HTR1F: variants seen among roughly 807,000 people sequenced by gnomAD.
HTR1F encodes the protein 5-hydroxytryptamine receptor 1F.
Under a neutral mutation model 24.0 loss-of-function variants are expected in HTR1F, and 17 were observed. That is an observed-to-expected ratio of 0.71 (90% CI 0.48 to 1.06). The LOEUF is 1.06. Ranked by LOEUF, HTR1F falls within the 50% of genes least tolerant of loss-of-function variation. The pLI is 0.00. For missense variants in HTR1F, 391 were observed against 427.8 expected (o/e 0.91, Z 0.76); for synonymous variants, 186 against 156.8 (o/e 1.19, Z -1.39).
intron 2 of HTR1F, among the ~76,000 whole-genome samples, chr3:87,898,950 T>G (rs1706261469): frequency 6.6e-6 from 1 of 152,182 alleles, no homozygotes; most frequent in Non-Finnish European, 1.5e-5. Context: ...AGTCAGTCTC[T>G]TTACAAGGAA....
chr3:87,863,075 C>A (rs1705351772), intron 2 of HTR1F, among the ~76,000 whole-genome samples: 1 of 152,214 alleles, frequency 6.6e-6, no homozygotes, highest in Admixed American at 6.5e-5. Context: ...CTTGGCCTCC[C>A]AAAGTGTTGG....
intron 2 of HTR1F, among the ~76,000 whole-genome samples, chr3:87,859,620 G>A (rs1266797082): frequency 6.6e-6 from 1 of 152,206 alleles, no homozygotes; most frequent in Admixed American, 6.5e-5. Flanking sequence ...AGCTGCTGAA[G>A]GTGCAACATC....
chr3:87,801,838 A>G (rs1703994320), intron 1 of HTR1F, among the ~76,000 whole-genome samples: 1 of 152,208 alleles, frequency 6.6e-6, no homozygotes, highest in Admixed American at 6.5e-5. Context: ...AAAAAGAAGT[A>G]TATACATTAA....
intron 2 of HTR1F, among the ~76,000 whole-genome samples, chr3:87,982,378 A>G (rs115775622): frequency 1.3e-3 from 191 of 152,350 alleles, no homozygotes; most frequent in African/African-American, 4.4e-3. Context: ...AAAAGAAGAA[A>G]GTCTGTCTTG....
intron 2 of HTR1F, among the ~76,000 whole-genome samples, chr3:87,915,079 T>C (rs538362805): frequency 6.6e-6 from 1 of 152,064 alleles, no homozygotes; most frequent in East Asian, 1.9e-4. Flanking sequence ...ATTTGGTGGG[T>C]GGTTAGATCC....
intron 2 of HTR1F, among the ~76,000 whole-genome samples, chr3:87,963,393 A>T (rs1705102047): frequency 6.6e-6 from 1 of 152,156 alleles, no homozygotes; most frequent in African/African-American, 2.4e-5. Context: ...CAAGAAGAAG[A>T]TGCTGAGTTA....
At chr3:87,929,815 A>G (rs1342901578) in intron 2 of HTR1F, among the ~76,000 whole-genome samples, 1 of 152,138 alleles carries the variant, frequency 6.6e-6, no homozygotes, top group Non-Finnish European at 1.5e-5. Flanking sequence ...ATTTTAAAAT[A>G]GTTTTTTCTA....
chr3:87,832,381 G>A (rs1197119081), intron 2 of HTR1F, among the ~76,000 whole-genome samples: 1 of 143,494 alleles, frequency 7.0e-6, no homozygotes, highest in Non-Finnish European at 1.5e-5. Flanking sequence ...AGGCTGGAGT[G>A]CAGTGGCGCG....
intron 2 of HTR1F, among the ~76,000 whole-genome samples, chr3:87,842,321 C>T (rs571468615): frequency 5.3e-5 from 8 of 151,634 alleles, no homozygotes; most frequent in East Asian, 3.9e-4. Context: ...CCACCACGCC[C>T]GGCTAATTTT....
chr3:87,811,446 CT>C (rs1704159615), intron 1 of HTR1F, among the ~76,000 whole-genome samples: 1 of 151,920 alleles, frequency 6.6e-6, no homozygotes, highest in Non-Finnish European at 1.5e-5. Context: ...AGTGGGAAGT[CT>C]TTGAAACATA....
intron 2 of HTR1F, among the ~76,000 whole-genome samples, chr3:87,944,502 C>T (rs1183733104): frequency 1.3e-5 from 2 of 152,198 alleles, no homozygotes; most frequent in Non-Finnish European, 2.9e-5. Flanking sequence ...TTGGGAGGAA[C>T]CATCTATCGT....
chr3:87,989,461 C>T (rs1243006628), intron 2 of HTR1F, among the ~76,000 whole-genome samples: 1 of 152,100 alleles, frequency 6.6e-6, no homozygotes, highest in Non-Finnish European at 1.5e-5. Flanking sequence ...CTTTTTAAAC[C>T]AAATTAACTA....
intron 2 of HTR1F, among the ~76,000 whole-genome samples, chr3:87,968,590 A>G (rs1428848499): frequency 6.6e-6 from 1 of 152,200 alleles, no homozygotes; most frequent in Non-Finnish European, 1.5e-5. Context: ...ATGTATTCAC[A>G]GGATATGGTT....
intron 2 of HTR1F, among the ~76,000 whole-genome samples, chr3:87,869,325 G>A (rs1412309821): frequency 1.3e-5 from 2 of 151,708 alleles, no homozygotes; most frequent in Admixed American, 1.3e-4. Flanking sequence ...CAGCATGTTA[G>A]GTGAGTGCTT....
intron 1 of HTR1F, among the ~76,000 whole-genome samples, chr3:87,793,969 C>CAAAA (rs78156685): frequency 7.5e-5 from 7 of 93,806 alleles, no homozygotes; most frequent in Middle Eastern, 6.9e-3. Flanking sequence ...TATGCTATGC[C>CAAAA]AAAAAAAAAA....
chr3:87,837,792 C>T (rs1485470513), intron 2 of HTR1F, among the ~76,000 whole-genome samples: 3 of 151,942 alleles, frequency 2.0e-5, no homozygotes, highest in Admixed American at 2.0e-4. Flanking sequence ...AGCCCATTTT[C>T]TGGCATTAAG....
intron 2 of HTR1F, among the ~76,000 whole-genome samples, chr3:87,939,884 G>T (rs1489595875): frequency 2.6e-5 from 4 of 152,072 alleles, no homozygotes; most frequent in Non-Finnish European, 2.9e-5. Flanking sequence ...TCTGATCTTA[G>T]TTATTTCTTG....
At chr3:87,867,897 T>G (rs1705463264) in intron 2 of HTR1F, among the ~76,000 whole-genome samples, 1 of 152,128 alleles carries the variant, frequency 6.6e-6, no homozygotes, top group African/African-American at 2.4e-5. Flanking sequence ...GTCTAAATCA[T>G]TAATTATAAG....
chr3:87,831,431 C>A (rs556557773), intron 2 of HTR1F, among the ~76,000 whole-genome samples: 5 of 151,142 alleles, frequency 3.3e-5, no homozygotes, highest in Non-Finnish European at 7.4e-5. Context: ...GGCGCCATCT[C>A]GGCTCACCGC....
Sources: allele counts gnomAD v4.1 joint callset (sites outside exome capture counted in the v4.1 genomes callset), GRCh38; gene constraint gnomAD v4.1.1; transcripts MANE v1.5; gene names NCBI Gene and HGNC (gene_info 2026-07-23, HGNC 2026-07-21).